FER1L6: variants seen among roughly 807,000 people sequenced by gnomAD.
The protein encoded by FER1L6 is fer-1-like protein 6.
FER1L6 carries 177 observed loss-of-function variants against 219.2 expected under a neutral mutation model. The ratio of observed to expected loss-of-function variants is 0.81; its 90% CI spans 0.71 to 0.91. The LOEUF is 0.91. Among genes scored for constraint, FER1L6 ranks in the 40% least tolerant of loss-of-function variants. FER1L6 has a pLI of 0.00. For missense variants in FER1L6, 2,153 were observed against 2,259.9 expected (o/e 0.95, Z 0.96); for synonymous variants, 768 against 824.3 (o/e 0.93, Z 1.17).
intron 33 of FER1L6, among the ~76,000 whole-genome samples, chr8:124,085,297 C>A (rs1821733209): frequency 6.6e-6 from 1 of 151,880 alleles, no homozygotes; most frequent in South Asian, 2.1e-4. Context: ...TTTTCTAATT[C>A]ATTAAGATAT....
chr8:124,048,838 C>T (rs540302518), intron 21 of FER1L6, among the ~76,000 whole-genome samples: 2 of 152,352 alleles, frequency 1.3e-5, no homozygotes, highest in African/African-American at 4.8e-5. Context: ...GTCTGCCTGG[C>T]TCCAAAGCTC....
chr8:124,112,260 G>T (rs1287080199), intron 39 of FER1L6, among the ~76,000 whole-genome samples: 1 of 152,110 alleles, frequency 6.6e-6, no homozygotes, highest in Non-Finnish European at 1.5e-5. Flanking sequence ...TTTGTTTATG[G>T]CCACTGCCAC....
chr8:124,049,124 T>C (rs527682816), intron 21 of FER1L6, among the ~76,000 whole-genome samples: 3 of 151,960 alleles, frequency 2.0e-5, no homozygotes, highest in Non-Finnish European at 4.4e-5. Context: ...CTCGGCTTAC[T>C]GCAACCTCCA....
intron 13 of FER1L6, among the ~76,000 whole-genome samples, chr8:124,004,528 C>T (rs1452305565): frequency 6.6e-6 from 1 of 152,132 alleles, no homozygotes; most frequent in Non-Finnish European, 1.5e-5. Context: ...CAGGGACTCC[C>T]AAATCTATTT....
chr8:124,057,566 T>A (rs1563771025), intron 22 of FER1L6, among the ~76,000 whole-genome samples: 1 of 152,138 alleles, frequency 6.6e-6, no homozygotes, highest in Non-Finnish European at 1.5e-5. Context: ...CCTGTTCTAT[T>A]CCTCCTCTTT....
chr8:124,039,480 A>G (rs2130725417), intron 19 of FER1L6, among the ~76,000 whole-genome samples: 1 of 152,276 alleles, frequency 6.6e-6, no homozygotes, highest in Admixed American at 6.5e-5. Context: ...AAAATTTGAT[A>G]TTTTAGAAAG....
At chr8:124,008,883 C>A (rs1322628310) in intron 13 of FER1L6, among the ~76,000 whole-genome samples, 1 of 152,140 alleles carries the variant, frequency 6.6e-6, no homozygotes, top group African/African-American at 2.4e-5. Flanking sequence ...CTCAACATCA[C>A]TAATGATCAG....
At chr8:124,053,536 C>T (rs1820145379) in intron 22 of FER1L6, among the ~76,000 whole-genome samples, 2 of 152,174 alleles carry the variant, frequency 1.3e-5, no homozygotes, top group African/African-American at 4.8e-5. Context: ...TCATTTGTTA[C>T]CAGCTGTTCT....
chr8:123,926,631 G>A (rs531011331), intron 1 of FER1L6, among the ~76,000 whole-genome samples: 3 of 152,242 alleles, frequency 2.0e-5, no homozygotes, highest in Non-Finnish European at 4.4e-5. Flanking sequence ...TATATAATAA[G>A]GCAATGGCAC....
At chr8:124,049,297 C>T (rs1261240666) in intron 21 of FER1L6, among the ~76,000 whole-genome samples, 1 of 152,136 alleles carries the variant, frequency 6.6e-6, no homozygotes, top group East Asian at 1.9e-4. Context: ...ACACCTGCCA[C>T]GGCCTTCTAA....
At chr8:124,071,233 A>AG (rs1821055842) in intron 30 of FER1L6, among the ~76,000 whole-genome samples, 1 of 152,174 alleles carries the variant, frequency 6.6e-6, no homozygotes. Context: ...CACATGTAAA[A>AG]GGCACTTCGT....
Position 123,862,553 on chromosome 8 carries a change from G to A in FER1L6, c.-8+10368G>A, listed in dbSNP as rs1294443365. Among the ~76,000 whole-genome samples, 30 of 141,636 alleles carry A rather than the reference G, an allele frequency of 2.1e-4. 2 individuals are homozygous for A. The highest frequency in any genetic ancestry group is 7.4e-4 in the African/African-American group (26 of 35,266). The allele number at this position is 141,636 out of a possible 152,430, so 92.9% of individuals were successfully genotyped here. ...TGATTGGAATAGTTTCAGAAGGAAT[G>A]GTACCAGTTCCTCCTTGTACCTCTG... is the stretch of plus-strand genomic sequence containing the variant. On this transcript the variant is annotated intron_variant, in intron 1 of 40. Coordinates refer to ENST00000522917, the MANE Select transcript of FER1L6 (RefSeq NM_001039112.2).
chr8:124,023,511 G>T lies in FER1L6; in HGVS notation c.2201G>T (p.Arg734Leu). The T allele has an allele frequency of 1.2e-6, 2 of 1,614,098 alleles. No individual in the cohort carries two copies. Among genetic ancestry groups the T allele is most frequent in the Non-Finnish European group, 1.7e-6 (2 of 1,179,994 alleles). ...LSNNRRVAYARIASKDLLYSP... is the reference protein window; with the variant it reads ...LSNNRRVAYALIASKDLLYSP... ...AACAACAGGAGAGTGGCCTATGCCC[G>T]CATCGCCTCCAAAGACCTCCTCTAT... Residue 734 changes from arginine to leucine, a missense_variant, in exon 18 of 41, where the codon CGC becomes CTC. Transcript: ENST00000522917.
chr8:124,066,313 C>A, intron 26 of FER1L6, 115 bp from the exon 27 acceptor site: 1 of 1,178,868 alleles, frequency 8.5e-7, no homozygotes, highest in Non-Finnish European at 1.2e-6. Context: ...CCAGTGGATA[C>A]CTCTGTGTGT....
At chr8:123,910,481 G>C (rs1293487747) in intron 1 of FER1L6, among the ~76,000 whole-genome samples, 1 of 152,164 alleles carries the variant, frequency 6.6e-6, no homozygotes, top group African/African-American at 2.4e-5. Flanking sequence ...CCCATCCTCT[G>C]TGTGGCCACA....
At chr8:123,984,634 AG>A (rs1816480820) in intron 11 of FER1L6, 1 of 152,138 alleles carries the variant, frequency 6.6e-6, no homozygotes, top group African/African-American at 2.4e-5. Flanking sequence ...GAGTGGTAGG[AG>A]GAGGGTATGC....
intron 30 of FER1L6, among the ~76,000 whole-genome samples, chr8:124,070,934 A>C (rs1821043352): frequency 6.6e-6 from 1 of 152,236 alleles, no homozygotes; most frequent in Admixed American, 6.5e-5. Context: ...CTAATCAAGC[A>C]ACACAAGCCC....
intron 39 of FER1L6, among the ~76,000 whole-genome samples, chr8:124,118,094 C>T (rs1823322495): frequency 6.6e-6 from 1 of 152,102 alleles, no homozygotes; most frequent in African/African-American, 2.4e-5. Context: ...CTTAATCAAT[C>T]ATTGTTAAGG....
chr8:123,938,964 AGTACACTGTT>A (rs1267634278), intron 1 of FER1L6, among the ~76,000 whole-genome samples: 1 of 152,254 alleles, frequency 6.6e-6, no homozygotes, highest in Admixed American at 6.5e-5. Context: ...TCAAGGGAAG[AGTACACTGTT>A]CGAGGGTTGC....
Sources: allele counts gnomAD v4.1 joint callset (sites outside exome capture counted in the v4.1 genomes callset), GRCh38; gene constraint gnomAD v4.1.1; transcripts MANE v1.5; gene names NCBI Gene and HGNC (gene_info 2026-07-23, HGNC 2026-07-21).